RAB38: variants seen among roughly 807,000 people sequenced by gnomAD.
The protein encoded by RAB38 is RAB38, member RAS oncogene family, also known as ras-related protein Rab-38.
A neutral mutation model predicts 18.4 loss-of-function variants in RAB38; 15 were observed. The observed-to-expected ratio is 0.82, with a 90% CI of 0.55 to 1.26. RAB38 has a LOEUF of 1.26. Ranked by LOEUF, RAB38 falls within the 50% of genes most tolerant of loss-of-function variation. The probability of loss-of-function intolerance (pLI) is 0.00; values close to 1 mark genes in which losing one functional copy is unlikely to be tolerated. For synonymous variants in RAB38, 101 were observed against 104.4 expected (o/e 0.97, Z 0.20); for missense variants, 294 against 267.4 (o/e 1.10, Z -0.69).
chr11:88,005,486 T>G, the RAB38 span, among the ~76,000 whole-genome samples: 1 of 151,450 alleles, frequency 6.6e-6, no homozygotes, highest in African/African-American at 2.4e-5. Flanking sequence ...ATAGAAATTG[T>G]TTTTTATTAA....
At chr11:88,022,189 C>T in the RAB38 span, among the ~76,000 whole-genome samples, 1 of 151,764 alleles carries the variant, frequency 6.6e-6, no homozygotes, top group Non-Finnish European at 1.5e-5. Context: ...GATGGCTCGA[C>T]ATGCAAATCA....
At chr11:88,120,979 G>A (rs778512496) in intron 2 of RAB38, among the ~76,000 whole-genome samples, 8 of 152,170 alleles carry the variant, frequency 5.3e-5, no homozygotes, top group Non-Finnish European at 1.2e-4. Flanking sequence ...CAAAGAGACA[G>A]AAAGTGATCT....
chr11:88,162,196 C>G (rs1591177484), intron 1 of RAB38, among the ~76,000 whole-genome samples: 1 of 152,050 alleles, frequency 6.6e-6, no homozygotes, highest in East Asian at 1.9e-4. Context: ...GGCGGTGGTT[C>G]AGAAACACTT....
At chr11:88,031,223 G>A in the RAB38 span, among the ~76,000 whole-genome samples, 7 of 152,094 alleles carry the variant, frequency 4.6e-5, no homozygotes, top group Admixed American at 3.3e-4. Flanking sequence ...TTGATGGGAC[G>A]TATCTCAAAA....
At chr11:87,842,473 C>T in the RAB38 span, among the ~76,000 whole-genome samples, 1 of 152,186 alleles carries the variant, frequency 6.6e-6, no homozygotes, top group African/African-American at 2.4e-5. Context: ...GCCTCTTGCG[C>T]AGTCGGAGAG....
At chr11:88,047,089 T>C in the RAB38 span, among the ~76,000 whole-genome samples, 2 of 152,192 alleles carry the variant, frequency 1.3e-5, no homozygotes, top group Non-Finnish European at 2.9e-5. Context: ...AATCACAAAC[T>C]GTGCTCAACT....
At chr11:87,887,895 T>G in the RAB38 span, among the ~76,000 whole-genome samples, 1 of 151,288 alleles carries the variant, frequency 6.6e-6, no homozygotes, top group African/African-American at 2.4e-5. Context: ...TTGACTATTC[T>G]GAGTAAGCTT....
At chr11:88,004,343 C>G in the RAB38 span, among the ~76,000 whole-genome samples, 5 of 151,068 alleles carry the variant, frequency 3.3e-5, no homozygotes, top group Middle Eastern at 3.4e-3. Flanking sequence ...TTTTGGAAAT[C>G]AATCAGTGTA....
the RAB38 span, among the ~76,000 whole-genome samples, chr11:87,873,886 G>GTT: frequency 3.4e-5 from 2 of 59,274 alleles, no homozygotes; most frequent in Admixed American, 2.3e-4. Flanking sequence ...GTATATATAT[G>GTT]TGTGTGTATA....
the RAB38 span, among the ~76,000 whole-genome samples, chr11:87,860,844 G>A: frequency 2.0e-5 from 3 of 151,614 alleles, no homozygotes; most frequent in African/African-American, 7.3e-5. Flanking sequence ...GGAGATTTTT[G>A]GAGAAAGGAG....
chr11:87,955,298 A>G, the RAB38 span, among the ~76,000 whole-genome samples: 2 of 152,238 alleles, frequency 1.3e-5, no homozygotes, highest in Admixed American at 6.5e-5. Context: ...TCAAGTGAGA[A>G]TATTTATCAA....
chr11:87,811,231 A>G, the RAB38 span, among the ~76,000 whole-genome samples: 5 of 152,092 alleles, frequency 3.3e-5, no homozygotes, highest in South Asian at 8.3e-4. Flanking sequence ...ACACTTCACC[A>G]TTTTTCCTCT....
At chr11:87,872,827 A>C in the RAB38 span, among the ~76,000 whole-genome samples, 1 of 151,594 alleles carries the variant, frequency 6.6e-6, no homozygotes, top group East Asian at 2.0e-4. Context: ...TGTTGCATGA[A>C]TGTGTCCCAG....
chr11:88,125,961 A>G lies in RAB38; in HGVS notation c.484-11821T>C, dbSNP rs183965968. On this transcript the variant is annotated intron_variant, in intron 2 of 2. Transcript: ENST00000243662. ...CTAGCCAGTTTTCCCAGCACCATTT[A>G]TTAAACAGGGAATCCTTTCCCCATT... Among the ~76,000 whole-genome samples the G allele has an allele frequency of 5.8e-4, 88 of 152,316 alleles. No individual in the cohort carries two copies. The East Asian group carries it at 0.016, about 27-fold the overall frequency.
the RAB38 span, among the ~76,000 whole-genome samples, chr11:87,873,949 T>TATATATATATATATATATATATATATAC: frequency 4.3e-5 from 6 of 138,098 alleles, no homozygotes; most frequent in Non-Finnish European, 9.4e-5. Flanking sequence ...TATATATATA[T>TATATATATATATATATATATATATATAC]ACTCTGCATA....
At chr11:87,952,533 C>A in the RAB38 span, among the ~76,000 whole-genome samples, 1 of 152,310 alleles carries the variant, frequency 6.6e-6, no homozygotes, top group East Asian at 1.9e-4. Context: ...CTTCACCCTG[C>A]ATTGGGCAGG....
chr11:87,859,345 G>T, the RAB38 span, among the ~76,000 whole-genome samples: 1 of 151,890 alleles, frequency 6.6e-6, no homozygotes, highest in African/African-American at 2.4e-5. Context: ...AAGAAAAAGG[G>T]TGGTTTGTAA....
chr11:88,110,231 G>A (rs747288576), downstream of RAB38, among the ~76,000 whole-genome samples: 1 of 152,086 alleles, frequency 6.6e-6, no homozygotes. Context: ...TATGGATGAA[G>A]CTGGAAACCA....
chr11:88,028,917 T>C, the RAB38 span, among the ~76,000 whole-genome samples: 7 of 152,050 alleles, frequency 4.6e-5, no homozygotes, highest in East Asian at 3.9e-4. Flanking sequence ...AACTCCAAGA[T>C]ACATAATTGT....
Sources: allele counts gnomAD v4.1 joint callset (sites outside exome capture counted in the v4.1 genomes callset), GRCh38; gene constraint gnomAD v4.1.1; transcripts MANE v1.5; gene names NCBI Gene and HGNC (gene_info 2026-07-23, HGNC 2026-07-21).